SPATA31A6: variants seen among roughly 807,000 people sequenced by gnomAD.
SPATA31A6 encodes spermatogenesis-associated protein 31A6.
In SPATA31A6, 9 loss-of-function variants were observed where a neutral mutation model predicts 11.9. The observed-to-expected ratio is 0.76, with a 90% CI of 0.46 to 1.32. The LOEUF (loss-of-function observed/expected upper bound fraction) is 1.32, where lower values mean the gene tolerates loss of function less well. Among genes scored for constraint, SPATA31A6 ranks in the 40% most tolerant of loss-of-function variants. The pLI is 0.00. For missense variants in SPATA31A6, 855 were observed against 1,467.3 expected, an observed-to-expected ratio of 0.58 and a Z score of 6.82; for synonymous variants, 314 against 572.1, an observed-to-expected ratio of 0.55 and a Z score of 6.44.
At position 42,189,170 on chromosome 9, in the gene SPATA31A6, A is replaced by G; in HGVS notation, c.3468A>G (p.Val1156=). The stretch of plus-strand genomic sequence containing the variant: ...CATCAAAGAAACAGCCTCCTTCAGT[A>G]AGCCACTTTGGAGAAAACATCAAGC... ...LLPSKKQPPS[V]SHFGENIKQF... is the part of the protein sequence containing the mutation. Residue 1156 remains valine, a synonymous_variant, in exon 4 of 4, where the codon GTA becomes GTG. Coordinates refer to ENST00000332857, the MANE Select transcript of SPATA31A6 (RefSeq NM_001145196.1). 6.5e-7 allele frequency: 1 copy of G among 1,544,570 alleles called. No homozygotes were observed. Among genetic ancestry groups the G allele is most frequent in the Non-Finnish European group, 8.8e-7 (1 of 1,138,688 alleles).
chr9:42,184,754 C>T (rs1829414290), intron 1 of SPATA31A6, among the ~76,000 whole-genome samples: 1 of 136,478 alleles, frequency 7.3e-6, no homozygotes, highest in Admixed American at 7.3e-5. Flanking sequence ...TCTCAAACTC[C>T]TGACCTCAGG....
rs749831585 is a variant in SPATA31A6, at chr9:42,189,322, C to T, written c.3620C>T (p.Thr1207Met). The stretch of plus-strand genomic sequence containing the variant: ...AGTGCTGAAGCTCAGGGTCTCATGA[C>T]GGCAGTTGGACAAATGCTGGACAAG... ...SSSAEAQGLM[T>M]AVGQMLDKKM... The change falls in exon 4 of 4, where the codon ACG (threonine) becomes ATG (methionine). Residue 1207 changes from threonine to methionine, a missense_variant. Thr to Met is a moderately conservative substitution (Grantham distance 81, BLOSUM62 -1). Coordinates refer to ENST00000332857, the MANE Select transcript of SPATA31A6 (RefSeq NM_001145196.1). 11 of 1,547,370 alleles carry T rather than the reference C, an allele frequency of 7.1e-6. 1 individual carries two copies. The highest frequency in any genetic ancestry group is 3.0e-5 in the African/African-American group (2 of 65,756).
Position 42,185,526 on chromosome 9 carries a change from C to T in SPATA31A6, c.248-169C>T, listed in dbSNP as rs151325153. Among the ~76,000 whole-genome samples, 776 of 137,804 alleles carry T rather than the reference C, an allele frequency of 5.6e-3. 136 individuals carry two copies. Among genetic ancestry groups the T allele is most frequent in the African/African-American group, 0.016 (566 of 34,552 alleles). 90.4% of individuals were successfully genotyped at this position (137,804 alleles called of 152,430 possible). A position where few individuals can be genotyped will look rare whatever the true frequency, so the allele number is the denominator to read the frequency against. On this transcript the variant is annotated intron_variant, in intron 2 of 3. Transcript: ENST00000332857. ...GAAGCCTGTTGTGAATGAAAAAGCC[C>T]TGTCCTCCATGCCTTGCTATTAACG...
Position 42,183,835 on chromosome 9 carries a change from C to T in SPATA31A6, c.148C>T (p.His50Tyr), listed in dbSNP as rs1356396590. ...ATTACTCCCCTACTTATCTTACTTC[C>T]ATTGTGATGACCCACCCTCACCATC... ...FLLLPYLSYF[H>Y]CDDPPSPSPG... is the part of the protein sequence containing the mutation. The change falls in exon 1 of 4, where the codon CAT becomes TAT. Residue 50 changes from histidine (H) to tyrosine (Y), a missense_variant. His to Tyr is a moderately conservative substitution (Grantham distance 83). Transcript: ENST00000332857. The T allele has an allele frequency of 3.9e-6, 6 of 1,533,060 alleles. 1 individual carries two copies. Among genetic ancestry groups the T allele is most frequent in the Non-Finnish European group, 5.3e-6 (6 of 1,137,800 alleles). The allele number at this position is 1,533,060 out of a possible 1,614,324, so 95.0% of individuals were successfully genotyped here. A position where few individuals can be genotyped will look rare whatever the true frequency, so the allele number is the denominator to read the frequency against.
chr9:42,186,793 G>GGAATTT lies in SPATA31A6; in HGVS notation c.1093_1098dup (p.Asn365_Leu366dup), dbSNP rs1044362967. The GGAATTT allele has an allele frequency of 6.5e-7, 1 of 1,532,436 alleles. No homozygotes were observed. The highest frequency in any genetic ancestry group is 1.5e-5 in the African/African-American group (1 of 65,342). The allele number at this position is 1,532,436 out of a possible 1,614,324, so 94.9% of individuals were successfully genotyped here. A position where few individuals can be genotyped will look rare whatever the true frequency, so the allele number is the denominator to read the frequency against. ...CCAGAAAAGCACTTAAATTCTTTGG[G>GGAATTT]GAATTTGGCTAAATCATTGGATGCT... is the stretch of plus-strand genomic sequence containing the variant. On this transcript the variant is annotated inframe_insertion, in exon 4 of 4. Transcript: ENST00000332857.
rs866279621 is a variant in SPATA31A6, at chr9:42,184,819, C to G, written c.190-250C>G. ...CTTGGATTATAGGCGTGAGCCACCA[C>G]GCCCAGCCCCCTCTTGCTGTTTTTC... On this transcript the variant is annotated intron_variant, in intron 1 of 3. Transcript: ENST00000332857. Among the ~76,000 whole-genome samples, 11 of 137,740 alleles carry G rather than the reference C, an allele frequency of 8.0e-5. 3 individuals are homozygous for G. The highest frequency in any genetic ancestry group is 3.2e-4 in the African/African-American group (11 of 34,018). 90.4% of individuals were successfully genotyped at this position (137,740 alleles called of 152,430 possible). A position where few individuals can be genotyped will look rare whatever the true frequency, so the allele number is the denominator to read the frequency against.
Position 42,185,955 on chromosome 9 carries a change from C to A in SPATA31A6, c.309-56C>A, listed in dbSNP as rs1445855570. 8 of 1,480,900 alleles carry A rather than the reference C, an allele frequency of 5.4e-6. 1 individual carries two copies. The highest frequency in any genetic ancestry group is 5.1e-5 in the East Asian group (2 of 39,464). The allele number at this position is 1,480,900 out of a possible 1,614,324, so 91.7% of individuals were successfully genotyped here. On this transcript the variant is annotated intron_variant, in intron 3 of 3. Transcript: ENST00000332857. ...AGGGGCTGTGGCCCGAGCACCCACTCTGCCCTCCGGCCCCACCGGCTCCTG... is the reference window on the plus strand; with the variant it reads ...AGGGGCTGTGGCCCGAGCACCCACTATGCCCTCCGGCCCCACCGGCTCCTG...
At chr9:42,185,783 T>G in intron 3 of SPATA31A6, 28 bp downstream of exon 3, 1 of 1,127,016 alleles carries the variant, frequency 8.9e-7, no homozygotes, top group Non-Finnish European at 1.2e-6. Flanking sequence ...CCCTGCATCC[T>G]TCCTACCAGG....
chr9:42,184,499 G>T (rs1563896600), intron 1 of SPATA31A6, among the ~76,000 whole-genome samples: 1 of 83,768 alleles, frequency 1.2e-5, no homozygotes, highest in East Asian at 2.8e-4. Context: ...TATTTTATTT[G>T]TGTGTTATTT....
At position 42,185,091 on chromosome 9, in the gene SPATA31A6, G is replaced by A. The variant is rs1245350317; in HGVS notation, c.212G>A (p.Arg71Lys). The change falls in exon 2 of 4, where the codon AGG (arginine) becomes AAG (lysine). Residue 71 changes from arginine to lysine, a missense_variant. Coordinates refer to ENST00000332857, the MANE Select transcript of SPATA31A6 (RefSeq NM_001145196.1). ...KRKCPVGRRR[R>K]PRGRMKNHSL... is the part of the protein sequence containing the mutation. ...CAGTGTCCAGTAGGGCGGAGGCGGAGGCCCAGAGGCAGGATGAAAAACCAC... is the reference window on the plus strand; with the variant it reads ...CAGTGTCCAGTAGGGCGGAGGCGGAAGCCCAGAGGCAGGATGAAAAACCAC... 1.3e-6 allele frequency: 2 copies of A among 1,541,304 alleles called. No individual in the cohort carries two copies. Among genetic ancestry groups the A allele is most frequent in the African/African-American group, 1.6e-5 (1 of 63,730 alleles).
rs1829520708 is a variant in SPATA31A6, at chr9:42,189,158, G to A, written c.3456G>A (p.Gln1152=). The change falls in exon 4 of 4, where the codon CAG becomes CAA. Residue 1152 remains glutamine (Q), a synonymous_variant. Coordinates refer to ENST00000332857, the MANE Select transcript of SPATA31A6 (RefSeq NM_001145196.1). ...EGVQLLPSKK[Q]PPSVSHFGEN... is the part of the protein sequence containing the mutation. ...TCCAGCTACTGCCATCAAAGAAACA[G>A]CCTCCTTCAGTAAGCCACTTTGGAG... is the stretch of plus-strand genomic sequence containing the variant. The A allele has an allele frequency of 2.6e-6, 4 of 1,544,542 alleles. No individual in the cohort carries two copies. The highest frequency in any genetic ancestry group is 2.6e-6 in the Non-Finnish European group (3 of 1,138,880).
At position 42,188,931 on chromosome 9, in the gene SPATA31A6, A is replaced by C. The variant is rs1247814379; in HGVS notation, c.3229A>C (p.Ser1077Arg). ...ACATGACCTCATGGCAGCCAGAAGG[A>C]GCAAACTGGTGCAAGAGGAGCCCAG... is the stretch of plus-strand genomic sequence containing the variant. ...ELHDLMAARR[S>R]KLVQEEPRNP... is the part of the protein sequence containing the mutation. Residue 1077 changes from serine (S) to arginine (R), a missense_variant, in exon 4 of 4, where the codon AGC (serine) becomes CGC (arginine). Ser to Arg is a moderately radical substitution (Grantham distance 110, BLOSUM62 -1). Coordinates refer to ENST00000332857, the MANE Select transcript of SPATA31A6 (RefSeq NM_001145196.1). 2.6e-6 allele frequency: 4 copies of C among 1,541,158 alleles called. 1 individual carries two copies. Among genetic ancestry groups the C allele is most frequent in the Non-Finnish European group, 2.6e-6 (3 of 1,137,128 alleles).
chr9:42,187,664 G>A lies in SPATA31A6; in HGVS notation c.1962G>A (p.Lys654=), dbSNP rs1470366214. 9 of 1,515,818 alleles carry A rather than the reference G, an allele frequency of 5.9e-6. 1 individual carries two copies. The highest frequency in any genetic ancestry group is 8.0e-6 in the Non-Finnish European group (9 of 1,127,314). 93.9% of individuals were successfully genotyped at this position (1,515,818 alleles called of 1,614,324 possible). A position where few individuals can be genotyped will look rare whatever the true frequency, so the allele number is the denominator to read the frequency against. ...STGESSKEAQ[K]VKFQLERDLC... is the part of the protein sequence containing the mutation. ...GTGAAAGCAGCAAGGAGGCACAGAA[G>A]GTGAAGTTCCAGCTAGAGAGGGACC... The change falls in exon 4 of 4, where the codon AAG becomes AAA. Residue 654 remains lysine, a synonymous_variant. Coordinates refer to ENST00000332857, the MANE Select transcript of SPATA31A6 (RefSeq NM_001145196.1).
Position 42,183,692 on chromosome 9 carries a change from A to T in SPATA31A6, c.5A>T (p.Glu2Val). 6.5e-7 allele frequency: 1 copy of T among 1,533,610 alleles called. No homozygotes were observed. The highest frequency in any genetic ancestry group is 8.8e-7 in the Non-Finnish European group (1 of 1,137,638). ...GAAAGCAACGTGCCTATTCACATGG[A>T]GAATCTTCCCTTTCCTTTAAAATTA... M[E>V]NLPFPLKLLS... Residue 2 changes from glutamate (E) to valine (V), a missense_variant, in exon 1 of 4, where the codon GAG (glutamate) becomes GTG (valine). Physicochemically the swap from Glu to Val is moderately radical, Grantham distance 121 (BLOSUM62 -2). Coordinates refer to ENST00000332857, the MANE Select transcript of SPATA31A6 (RefSeq NM_001145196.1).
In SPATA31A6 at chr9:42,186,982, T is replaced by C. The variant is rs760619630; in HGVS notation, c.1280T>C (p.Leu427Pro). Reference sequence around the variant, plus strand: ...CTCCCCTCTCTGCACAGCGAGTCCCTGGTGGCTAACGCCTGGGTAACTGAC... The same window carrying C: ...CTCCCCTCTCTGCACAGCGAGTCCCCGGTGGCTAACGCCTGGGTAACTGAC... The part of the protein sequence containing the change: ...WGLPSLHSES[L>P]VANAWVTDRS... Residue 427 changes from leucine to proline, a missense_variant, in exon 4 of 4, where the codon CTG (leucine) becomes CCG (proline). Leu to Pro is a moderately conservative substitution (Grantham distance 98). Coordinates refer to ENST00000332857, the MANE Select transcript of SPATA31A6 (RefSeq NM_001145196.1). The C allele has an allele frequency of 6.5e-7, 1 of 1,545,828 alleles. No homozygotes were observed. The highest frequency in any genetic ancestry group is 1.1e-5 in the South Asian group (1 of 87,422).
At chr9:42,183,950 A>G (rs1829395231) in intron 1 of SPATA31A6, 74 bp downstream of exon 1, 1 of 1,515,234 alleles carries the variant, frequency 6.6e-7, no homozygotes, top group Non-Finnish European at 8.8e-7. Flanking sequence ...CACTTTTCCA[A>G]ATCCAGTGGA....
Position 42,183,745 on chromosome 9 carries a change from A to G in SPATA31A6, c.58A>G (p.Ser20Gly), listed in dbSNP as rs1829389424. 1.3e-6 allele frequency: 2 copies of G among 1,535,046 alleles called. No individual in the cohort carries two copies. The highest frequency in any genetic ancestry group is 1.6e-5 in the African/African-American group (1 of 61,792). The change falls in exon 1 of 4, where the codon AGC becomes GGC. Residue 20 changes from serine to glycine, a missense_variant. Physicochemically the swap from Ser to Gly is moderately conservative, Grantham distance 56. Transcript: ENST00000332857. ...LLSASSLNAP[S>G]STPWVLDIFL... ...TAGTGCCTCATCGCTAAACGCCCCC[A>G]GCTCCACACCATGGGTGTTGGATAT...
chr9:42,186,935 T>A lies in SPATA31A6; in HGVS notation c.1233T>A (p.Asn411Lys). The stretch of plus-strand genomic sequence containing the variant: ...TCTTGCAGGAAAGTTTTTGGAAGAA[T>A]TATAGCCAGCTTTTCTGGGGCCTCC... ...PRLLQESFWK[N>K]YSQLFWGLPS... is the part of the protein sequence containing the mutation. Residue 411 changes from asparagine to lysine, a missense_variant, in exon 4 of 4, where the codon AAT (asparagine) becomes AAA (lysine). Asn to Lys is a moderately conservative substitution (Grantham distance 94). Coordinates refer to ENST00000332857, the MANE Select transcript of SPATA31A6 (RefSeq NM_001145196.1). 1.3e-6 allele frequency: 2 copies of A among 1,541,800 alleles called. No individual in the cohort carries two copies. The highest frequency in any genetic ancestry group is 1.8e-6 in the Non-Finnish European group (2 of 1,142,264).
intron 1 of SPATA31A6, among the ~76,000 whole-genome samples, chr9:42,184,463 GT>G (rs1829404868): frequency 7.5e-6 from 1 of 132,878 alleles, no homozygotes; most frequent in African/African-American, 3.1e-5. Flanking sequence ...GTGTGTGTGT[GT>G]GTGTGTGTGT....
Sources: gnomAD v4.1 joint callset for allele counts (sites outside exome capture counted in the v4.1 genomes callset) on GRCh38, gnomAD v4.1.1 for gene constraint, MANE v1.5 for transcripts, NCBI Gene and HGNC (gene_info 2026-07-23, HGNC 2026-07-21) for gene names.